The following ZC3HAV1 variants were observed in gnomAD, a reference collection of about 807,000 sequenced individuals.
ZC3HAV1 encodes the protein zinc finger CCCH-type antiviral protein 1.
ZC3HAV1 carries 41 observed loss-of-function variants against 86.6 expected under a neutral mutation model. The ratio of observed to expected loss-of-function variants is 0.47; its 90% CI spans 0.37 to 0.61. The LOEUF is 0.61. ZC3HAV1 is among the 20% of genes least tolerant of loss of function. The pLI is 0.00. For missense variants in ZC3HAV1, 964 were observed against 1,141.1 expected, an observed-to-expected ratio of 0.84 and a Z score of 2.24; for synonymous variants, 421 against 432.1, an observed-to-expected ratio of 0.97 and a Z score of 0.32.
Position 139,047,823 on chromosome 7 carries a change from G to A in ZC3HAV1, c.2480C>T (p.Ser827Phe). ...GIYFAKDAIY[S>F]HKNCPYDAKN... ...GGCATCATACGGGCAATTTTTGTGG[G>A]AATAGATGGCATCTTTTGCAAAGTA... is the stretch of plus-strand genomic sequence containing the variant. The change falls in exon 13 of 13, where the codon TCC becomes TTC. Residue 827 changes from serine to phenylalanine, a missense_variant. Ser to Phe is a radical substitution (Grantham distance 155, BLOSUM62 -2). Transcript: ENST00000242351. The A allele has an allele frequency of 1.2e-6, 2 of 1,612,342 alleles. No homozygotes were observed. Among genetic ancestry groups the A allele is most frequent in the Non-Finnish European group, 8.5e-7 (1 of 1,179,716 alleles).
At chr7:139,071,068 C>A (rs1260945475) in intron 7 of ZC3HAV1, among the ~76,000 whole-genome samples, 6 of 147,648 alleles carry the variant, frequency 4.1e-5, no homozygotes, top group African/African-American at 1.5e-4. Flanking sequence ...AATACAGTAT[C>A]TTTCCCCCAA....
At chr7:139,101,484 G>A (rs577364742) in intron 1 of ZC3HAV1, among the ~76,000 whole-genome samples, 220 of 102,760 alleles carry the variant, frequency 2.1e-3, no homozygotes, top group Middle Eastern at 0.013. Context: ...GAGCGCCTCA[G>A]CCCGGCCACC....
intron 7 of ZC3HAV1, among the ~76,000 whole-genome samples, chr7:139,070,525 G>C (rs945502935): frequency 6.6e-6 from 1 of 151,550 alleles, no homozygotes; most frequent in Non-Finnish European, 1.5e-5. Context: ...TTAGCTGGGC[G>C]CGGTGGCGGG....
chr7:139,096,310 G>A (rs1320849329), intron 1 of ZC3HAV1, among the ~76,000 whole-genome samples: 3 of 152,048 alleles, frequency 2.0e-5, no homozygotes, highest in Admixed American at 2.0e-4. Context: ...CACCGTACCC[G>A]ACCACCAAAA....
In ZC3HAV1 at chr7:139,045,372, T is replaced by G. The variant is rs1472360369; in HGVS notation, c.*2222A>C. The stretch of plus-strand genomic sequence containing the variant: ...GGGAGGGAGAGATCACATGGGGCCA[T>G]GACAGCGGTTTTGAACTTTATCCTG... On this transcript the variant is annotated 3_prime_UTR_variant, in exon 13 of 13. Coordinates refer to ENST00000242351, the MANE Select transcript of ZC3HAV1 (RefSeq NM_020119.4). 2 of 152,326 alleles carry G rather than the reference T, an allele frequency of 1.3e-5. No homozygotes were observed. Among genetic ancestry groups the G allele is most frequent in the Non-Finnish European group, 1.5e-5 (1 of 68,028 alleles). The allele number at this position is 152,326 out of a possible 1,614,324, so 9.4% of individuals were successfully genotyped here. A position where few individuals can be genotyped will look rare whatever the true frequency, so the allele number is the denominator to read the frequency against.
At chr7:139,074,965 C>T (rs564088903) in intron 6 of ZC3HAV1, among the ~76,000 whole-genome samples, 16 of 152,276 alleles carry the variant, frequency 1.1e-4, no homozygotes, top group South Asian at 4.1e-4. Flanking sequence ...AATTGCTGCT[C>T]TAAGAAAGAC....
chr7:139,063,896 C>T (rs1287837043), intron 8 of ZC3HAV1, among the ~76,000 whole-genome samples: 1 of 152,086 alleles, frequency 6.6e-6, no homozygotes, highest in East Asian at 1.9e-4. Flanking sequence ...ACTGGTCCTA[C>T]TTTTAGTACT....
rs10544425 is a variant in ZC3HAV1 at position 139,088,031 on chromosome 7, CAAAAAAAAAAAAA to C, written c.444+1580_444+1592del. ...CGGGTGACAGAGCAAGATCCTGTCTCAAAAAAAAAAAAAAAAAAAAAAAAGAAAAAAGAAAAAA... is the reference window on the plus strand; with the variant it reads ...CGGGTGACAGAGCAAGATCCTGTCTCAAAAAAAAAAAGAAAAAAGAAAAAA... On this transcript the variant is annotated intron_variant, in intron 2 of 12. Transcript: ENST00000242351. Among the ~76,000 whole-genome samples, 10 of 57,876 alleles carry C rather than the reference CAAAAAAAAAAAAA, an allele frequency of 1.7e-4. No homozygotes were observed. The East Asian group carries it at 2.1e-3, about 12-fold the overall frequency. 38.0% of individuals were successfully genotyped at this position (57,876 alleles called of 152,430 possible). A position where few individuals can be genotyped will look rare whatever the true frequency, so the allele number is the denominator to read the frequency against.
intron 3 of ZC3HAV1, among the ~76,000 whole-genome samples, chr7:139,081,273 G>A (rs892937049): frequency 6.6e-6 from 1 of 152,100 alleles, no homozygotes; most frequent in African/African-American, 2.4e-5. Flanking sequence ...GTGCTCGTGT[G>A]TGTGTGTGAA....
Position 139,053,578 on chromosome 7 carries a change from C to G in ZC3HAV1, c.2322G>C (p.Lys774Asn), listed in dbSNP as rs1345416305. The G allele has an allele frequency of 6.3e-7, 1 of 1,594,234 alleles. No homozygotes were observed. The highest frequency in any genetic ancestry group is 1.4e-5 in the African/African-American group (1 of 74,054). ...TTCCTTCTTCCTTCATCTGCGATTT[C>G]TTCCTAATATAAGAGATGTGAGACT... ...NSELLDKFTW[K>N]KSQMKEEGKL... Residue 774 changes from lysine (K) to asparagine (N), a missense_variant, in exon 12 of 13, where the codon AAG (lysine) becomes AAC (asparagine). Coordinates refer to ENST00000242351, the MANE Select transcript of ZC3HAV1 (RefSeq NM_020119.4).
chr7:139,097,410 A>ATTT lies in ZC3HAV1; in HGVS notation c.309-7652_309-7651insAAA, dbSNP rs1563140546. 1.8e-4 allele frequency among the ~76,000 whole-genome samples: 13 copies of ATTT among 73,122 alleles called. 1 individual carries two copies. The highest frequency in any genetic ancestry group is 9.5e-4 in the East Asian group (2 of 2,108). The allele number at this position is 73,122 out of a possible 152,430, so 48.0% of individuals were successfully genotyped here. A position where few individuals can be genotyped will look rare whatever the true frequency, so the allele number is the denominator to read the frequency against. On this transcript the variant is annotated intron_variant, in intron 1 of 12. Transcript: ENST00000242351. ...ACAAATATTGGAACTCCATATATATATATATATATATATATATATTTTTTT... is the reference window on the plus strand; with the variant it reads ...ACAAATATTGGAACTCCATATATATATTTTATATATATATATATATATTTTTTT...
chr7:139,074,041 A>G lies in ZC3HAV1; in HGVS notation c.1698-11T>C, dbSNP rs1041410006. The G allele has an allele frequency of 1.2e-6, 2 of 1,608,406 alleles. No homozygotes were observed. Among genetic ancestry groups the G allele is most frequent in the Non-Finnish European group, 1.7e-6 (2 of 1,176,430 alleles). ...CTTCCTACAGAACAGCTGAGAGAGAAAAGTATTAAGTTAACATAATGCTTC... is the reference window on the plus strand; with the variant it reads ...CTTCCTACAGAACAGCTGAGAGAGAGAAGTATTAAGTTAACATAATGCTTC... On this transcript the variant is annotated splice_polypyrimidine_tract_variant and intron_variant, in intron 6 of 12. Coordinates refer to ENST00000242351, the MANE Select transcript of ZC3HAV1 (RefSeq NM_020119.4).
chr7:139,079,570 T>C lies in ZC3HAV1; in HGVS notation c.1371A>G (p.Ile457Met), dbSNP rs1297972005. 24 of 1,614,208 alleles carry C rather than the reference T, an allele frequency of 1.5e-5. No homozygotes were observed. The highest frequency in any genetic ancestry group is 1.9e-5 in the Non-Finnish European group (23 of 1,180,038). The stretch of plus-strand genomic sequence containing the variant: ...CAGCATCCTGAATCCTAGGTGATGA[T>C]ATTTCTCTGTGACCGCTGCTAGTGC... ...YKSTSSGHRE[I>M]SSPRIQDAGP... The change falls in exon 4 of 13, where the codon ATA (isoleucine) becomes ATG (methionine). Residue 457 changes from isoleucine to methionine, a missense_variant. Coordinates refer to ENST00000242351, the MANE Select transcript of ZC3HAV1 (RefSeq NM_020119.4).
intron 1 of ZC3HAV1, among the ~76,000 whole-genome samples, chr7:139,096,943 G>A (rs1698143781): frequency 7.4e-6 from 1 of 134,456 alleles, no homozygotes; most frequent in Non-Finnish European, 1.5e-5. Context: ...GACCAGCCGG[G>A]GCAACATGTC....
intron 1 of ZC3HAV1, among the ~76,000 whole-genome samples, chr7:139,091,172 G>C (rs2130721590): frequency 7.6e-6 from 1 of 131,630 alleles, no homozygotes; most frequent in East Asian, 2.0e-4. Flanking sequence ...CCGGAGGAAA[G>C]ACTCCTACAG....
intron 9 of ZC3HAV1, among the ~76,000 whole-genome samples, chr7:139,059,065 T>A (rs1816372655): frequency 6.6e-6 from 1 of 152,166 alleles, no homozygotes; most frequent in African/African-American, 2.4e-5. Context: ...CACACTTTTG[T>A]GAAGACATCC....
intron 6 of ZC3HAV1, among the ~76,000 whole-genome samples, chr7:139,075,282 C>T (rs1816905813): frequency 6.6e-6 from 1 of 152,126 alleles, no homozygotes; most frequent in East Asian, 1.9e-4. Flanking sequence ...ACCCTCAAAT[C>T]ACTAAATTCT....
At chr7:139,057,596 T>A (rs1816324167) in intron 9 of ZC3HAV1, among the ~76,000 whole-genome samples, 1 of 20,808 alleles carries the variant, frequency 4.8e-5, no homozygotes, top group South Asian at 1.3e-3. Context: ...TGGAGTGCAG[T>A]GGCGCGATCT....
chr7:139,053,691 T>C, intron 11 of ZC3HAV1, 110 bp from the exon 12 acceptor site: 1 of 1,393,742 alleles, frequency 7.2e-7, no homozygotes, highest in Non-Finnish European at 9.5e-7. Context: ...TCCATCAGCT[T>C]TCACAACGGA....
Sources: gnomAD v4.1 joint callset for allele counts (sites outside exome capture counted in the v4.1 genomes callset) on GRCh38, gnomAD v4.1.1 for gene constraint, MANE v1.5 for transcripts, NCBI Gene and HGNC (gene_info 2026-07-23, HGNC 2026-07-21) for gene names.